The following RIT2 variants were observed in gnomAD, a reference collection of about 807,000 sequenced individuals.
The protein encoded by RIT2 is Ras like without CAAX 2, also known as GTP-binding protein Rit2.
RIT2 carries 24 observed loss-of-function variants against 23.7 expected under a neutral mutation model. The observed-to-expected ratio is 1.01, with a 90% CI of 0.73 to 1.43. The LOEUF is 1.43. Among genes scored for constraint, RIT2 ranks in the 40% most tolerant of loss-of-function variants. The pLI is 0.00. For missense variants in RIT2, 236 were observed against 266.9 expected (o/e 0.88, Z 0.81); for synonymous variants, 107 against 91.1 (o/e 1.17, Z -0.99).
intron 1 of RIT2, among the ~76,000 whole-genome samples, chr18:43,062,170 T>C (rs1196836275): frequency 6.6e-6 from 1 of 152,090 alleles, no homozygotes; most frequent in East Asian, 1.9e-4. Flanking sequence ...GTGTATTTAA[T>C]GTTTTATATG....
intron 4 of RIT2, among the ~76,000 whole-genome samples, chr18:42,895,306 C>T (rs1908298485): frequency 6.6e-6 from 1 of 151,996 alleles, no homozygotes; most frequent in African/African-American, 2.4e-5. Context: ...GATTTCAGAT[C>T]AAATAGAAAA....
chr18:43,032,974 AG>A (rs1287587293), intron 2 of RIT2, among the ~76,000 whole-genome samples: 3 of 152,094 alleles, frequency 2.0e-5, no homozygotes, highest in Non-Finnish European at 4.4e-5. Flanking sequence ...GGGAACAAAT[AG>A]GGTAAGTAAT....
intron 1 of RIT2, among the ~76,000 whole-genome samples, chr18:43,113,646 T>C (rs904123180): frequency 6.6e-6 from 1 of 152,076 alleles, no homozygotes; most frequent in Non-Finnish European, 1.5e-5. Flanking sequence ...ACAAGAAAAG[T>C]GTGTTGCTGA....
chr18:42,852,533 A>G (rs1907080927), intron 4 of RIT2, among the ~76,000 whole-genome samples: 1 of 152,110 alleles, frequency 6.6e-6, no homozygotes, highest in South Asian at 2.1e-4. Context: ...TTCACCATTT[A>G]TTTGTTACTC....
At chr18:43,012,241 T>G (rs1911367374) in intron 2 of RIT2, among the ~76,000 whole-genome samples, 1 of 151,874 alleles carries the variant, frequency 6.6e-6, no homozygotes, top group South Asian at 2.1e-4. Flanking sequence ...TGTTTTAAGT[T>G]TACTGGATTG....
At chr18:43,058,943 C>G (rs917260421) in intron 1 of RIT2, among the ~76,000 whole-genome samples, 81 of 152,152 alleles carry the variant, frequency 5.3e-4, no homozygotes, top group African/African-American at 1.9e-3. Context: ...GAGCCTATTA[C>G]TAATATTGTT....
intron 4 of RIT2, among the ~76,000 whole-genome samples, chr18:42,778,666 C>T (rs1327890914): frequency 7.1e-6 from 1 of 140,114 alleles, no homozygotes; most frequent in African/African-American, 2.5e-5. Context: ...AGCTCTATTA[C>T]CCACCACATG....
chr18:43,107,935 G>A (rs1215808355), intron 1 of RIT2, among the ~76,000 whole-genome samples: 13 of 151,850 alleles, frequency 8.6e-5, no homozygotes, highest in African/African-American at 2.2e-4. Context: ...AGTCCGAGGC[G>A]GGTGGATGAC....
In RIT2 at chr18:42,781,195, T is replaced by TATA. The variant is rs1913803589; in HGVS notation, c.427-37476_427-37475insTAT. Among the ~76,000 whole-genome samples the TATA allele has an allele frequency of 2.4e-3, 17 of 7,220 alleles. No homozygotes were observed. The Admixed American group carries it at 0.042, about 18-fold the overall frequency. 4.7% of individuals were successfully genotyped at this position (7,220 alleles called of 152,430 possible). ...CTTTTAAATTTCTGATTTTATGTAT[T>TATA]GTATAAGGAGTAATAAACAGAAACT... On this transcript the variant is annotated intron_variant, in intron 4 of 4. Coordinates refer to ENST00000326695, the MANE Select transcript of RIT2 (RefSeq NM_002930.4).
chr18:42,754,203 T>C (rs1034087049), intron 4 of RIT2, among the ~76,000 whole-genome samples: 1 of 152,172 alleles, frequency 6.6e-6, no homozygotes, highest in African/African-American at 2.4e-5. Flanking sequence ...CCTCCTTCTC[T>C]TGTATTGTAA....
At chr18:42,902,323 G>A (rs1908497269) in intron 4 of RIT2, among the ~76,000 whole-genome samples, 1 of 151,426 alleles carries the variant, frequency 6.6e-6, no homozygotes, top group Non-Finnish European at 1.5e-5. Context: ...TGTCATGATG[G>A]TGATTAGTAT....
At chr18:43,083,707 T>A (rs1251434694) in intron 1 of RIT2, among the ~76,000 whole-genome samples, 1 of 152,174 alleles carries the variant, frequency 6.6e-6, no homozygotes, top group Non-Finnish European at 1.5e-5. Flanking sequence ...CTGGACCCCT[T>A]CTTTGCACCT....
chr18:43,002,462 T>C (rs561790221), intron 2 of RIT2, among the ~76,000 whole-genome samples: 1 of 151,870 alleles, frequency 6.6e-6, no homozygotes, highest in Non-Finnish European at 1.5e-5. Flanking sequence ...TGACACTCAA[T>C]ATTAACCATT....
rs1025109727 is a variant in RIT2, at chr18:42,857,302, C to A, written c.426+66270G>T. 2.6e-5 allele frequency among the ~76,000 whole-genome samples: 4 copies of A among 152,130 alleles called. No homozygotes were observed. The East Asian group carries it at 7.7e-4, about 29-fold the overall frequency. ...ACTGAACTAAAACTTCTCTAAGATC[C>A]CACTTCAAATTCTATAAATCTTCAT... On this transcript the variant is annotated intron_variant, in intron 4 of 4. Coordinates refer to ENST00000326695, the MANE Select transcript of RIT2 (RefSeq NM_002930.4).
intron 4 of RIT2, among the ~76,000 whole-genome samples, chr18:42,821,963 G>A (rs1348393586): frequency 3.3e-5 from 5 of 152,130 alleles, no homozygotes; most frequent in African/African-American, 1.2e-4. Flanking sequence ...TAAAATGGGA[G>A]GAAGGAGAGG....
chr18:42,791,099 TTAAA>T (rs1455174644), intron 4 of RIT2, among the ~76,000 whole-genome samples: 16 of 152,326 alleles, frequency 1.1e-4, no homozygotes, highest in Admixed American at 9.2e-4. Context: ...AAAATCGATA[TTAAA>T]TAAATTAACT....
At chr18:42,755,475 C>A (rs528913923) in intron 4 of RIT2, among the ~76,000 whole-genome samples, 3 of 152,288 alleles carry the variant, frequency 2.0e-5, no homozygotes, top group African/African-American at 7.2e-5. Flanking sequence ...CCTTGCCTGA[C>A]TGTCCTCTCA....
intron 4 of RIT2, among the ~76,000 whole-genome samples, chr18:42,875,193 T>C (rs1185486278): frequency 6.6e-6 from 1 of 152,064 alleles, no homozygotes; most frequent in Non-Finnish European, 1.5e-5. Flanking sequence ...TCTGTAGTTT[T>C]AGCATGACAT....
Position 42,743,690 on chromosome 18 carries a change from G to A in RIT2, c.457C>T (p.Gln153Ter). 1 of 1,613,508 alleles carries A rather than the reference G, an allele frequency of 6.2e-7. No homozygotes were observed. The highest frequency in any genetic ancestry group is 8.5e-7 in the Non-Finnish European group (1 of 1,179,762). ...VSTEEGLSLA[Q>*]EYNCGFFETS... ...TCAAAAAAACCACAATTATATTCTT[G>A]GGCAAGACTCAAGCCTTCTTCTGTA... is the stretch of plus-strand genomic sequence containing the variant. Residue 153 changes from glutamine (Q) to a stop codon, truncating the protein, a stop_gained, in exon 5 of 5, where the codon CAA becomes TAA. Coordinates refer to ENST00000326695, the MANE Select transcript of RIT2 (RefSeq NM_002930.4). LOFTEE classifies it high-confidence loss of function.
Sources: gnomAD v4.1 joint callset for allele counts (sites outside exome capture counted in the v4.1 genomes callset) on GRCh38, gnomAD v4.1.1 for gene constraint, MANE v1.5 for transcripts, NCBI Gene and HGNC (gene_info 2026-07-23, HGNC 2026-07-21) for gene names.